GYPC: variants seen among roughly 807,000 people sequenced by gnomAD.
GYPC encodes the protein glycophorin C (Gerbich blood group), also known as glycophorin-C.
In GYPC, 14 loss-of-function variants were observed where a neutral mutation model predicts 12.6. The observed-to-expected ratio is 1.11, with a 90% CI of 0.74 to 1.74. GYPC has a LOEUF of 1.74. Ranked by LOEUF, GYPC falls within the 40% of genes most tolerant of loss-of-function variation. The pLI is 0.00. For missense variants in GYPC, 225 were observed against 172.1 expected, an observed-to-expected ratio of 1.31 and a Z score of -1.72; for synonymous variants, 78 against 62.1, an observed-to-expected ratio of 1.26 and a Z score of -1.20.
intron 1 of GYPC, among the ~76,000 whole-genome samples, chr2:126,688,043 C>G (rs1033284958): frequency 6.6e-6 from 1 of 152,216 alleles, no homozygotes; most frequent in African/African-American, 2.4e-5. Flanking sequence ...TGGGACGCAG[C>G]TGCCAAATCT....
intron 3 of GYPC, 100 bp downstream of exon 3, chr2:126,694,047 G>C: frequency 1.2e-6 from 1 of 839,016 alleles, no homozygotes; most frequent in Non-Finnish European, 2.1e-6. Context: ...AGTGGTGGCT[G>C]TGGCCATTTT....
intron 1 of GYPC, among the ~76,000 whole-genome samples, chr2:126,666,053 T>C (rs893523099): frequency 6.6e-6 from 1 of 152,154 alleles, no homozygotes; most frequent in African/African-American, 2.4e-5. Context: ...CCTTTCTTTG[T>C]TCCCCCCACA....
At chr2:126,658,314 G>A (rs1210881872) in intron 1 of GYPC, 1 of 152,262 alleles carries the variant, frequency 6.6e-6, no homozygotes, top group Non-Finnish European at 1.5e-5. Flanking sequence ...GCCCGTGGTT[G>A]GGCAAGTATT....
chr2:126,664,158 A>G (rs1423560086), intron 1 of GYPC, among the ~76,000 whole-genome samples: 1 of 152,096 alleles, frequency 6.6e-6, no homozygotes, highest in Non-Finnish European at 1.5e-5. Context: ...AATTAATTTC[A>G]GTTATGGTTG....
chr2:126,664,464 G>A (rs1230119674), intron 1 of GYPC, among the ~76,000 whole-genome samples: 1 of 152,166 alleles, frequency 6.6e-6, no homozygotes, highest in Non-Finnish European at 1.5e-5. Context: ...TACATTGAAA[G>A]CTCAGCCAGG....
At chr2:126,666,366 G>T (rs895379444) in intron 1 of GYPC, among the ~76,000 whole-genome samples, 2 of 152,228 alleles carry the variant, frequency 1.3e-5, no homozygotes, top group Non-Finnish European at 2.9e-5. Flanking sequence ...CCAGCCGGAG[G>T]ATCATTGTCA....
intron 2 of GYPC, among the ~76,000 whole-genome samples, chr2:126,693,638 G>A (rs1410775011): frequency 6.6e-6 from 1 of 152,164 alleles, no homozygotes; most frequent in Non-Finnish European, 1.5e-5. Flanking sequence ...GAGTGACCTG[G>A]TGGTTCAGGT....
At chr2:126,679,209 G>T (rs999691910) in intron 1 of GYPC, among the ~76,000 whole-genome samples, 1 of 152,140 alleles carries the variant, frequency 6.6e-6, no homozygotes, top group African/African-American at 2.4e-5. Flanking sequence ...CTGCACAGGG[G>T]CCAAATGGTC....
rs75678009 is a variant in GYPC at position 126,684,742 on chromosome 2, C to T, written c.50-5513C>T. On this transcript the variant is annotated intron_variant, in intron 1 of 3. Transcript: ENST00000259254. ...AGGTTTGCTGAAGGAAAGAATGAAC[C>T]GGCACAATTATGAGCATCCCCATTG... 7.0e-3 allele frequency among the ~76,000 whole-genome samples: 1,063 copies of T among 152,276 alleles called. 16 individuals carry two copies. Among genetic ancestry groups the T allele is most frequent in the East Asian group, 0.044 (226 of 5,178 alleles).
At chr2:126,693,968 C>T (rs571157779) in intron 3 of GYPC, 21 bp downstream of exon 3, 2 of 1,526,234 alleles carry the variant, frequency 1.3e-6, no homozygotes, top group African/African-American at 1.4e-5. Flanking sequence ...ATCACAGAGC[C>T]CTTCAAGCAG....
At chr2:126,692,976 T>C (rs1353585915) in intron 2 of GYPC, among the ~76,000 whole-genome samples, 1 of 152,138 alleles carries the variant, frequency 6.6e-6, no homozygotes, top group East Asian at 1.9e-4. Flanking sequence ...AGGCACCTCA[T>C]AGGATGGATG....
chr2:126,685,351 C>G (rs1683255045), intron 1 of GYPC, among the ~76,000 whole-genome samples: 2 of 151,946 alleles, frequency 1.3e-5, no homozygotes, highest in South Asian at 4.1e-4. Flanking sequence ...CAAAGCCTTT[C>G]TGCTTCAGAG....
In GYPC at chr2:126,693,944, G is replaced by A. The variant is rs369371617; in HGVS notation, c.187G>A (p.Ala63Thr). 8 of 1,602,702 alleles carry A rather than the reference G, an allele frequency of 5.0e-6. No individual in the cohort carries two copies. The highest frequency in any genetic ancestry group is 2.7e-5 in the African/African-American group (2 of 74,668). ...CACCATAATGGACATTGTCGTCATT[G>A]CAGGTGAGCTCTCATCACAGAGCCC... ...TPTIMDIVVI[A>T]GVIAAVAIVL... Residue 63 changes from alanine (A) to threonine (T), a missense_variant, in exon 3 of 4, where the codon GCA becomes ACA. Coordinates refer to ENST00000259254, the MANE Select transcript of GYPC (RefSeq NM_002101.5).
At chr2:126,666,368 T>A (rs1432216254) in intron 1 of GYPC, among the ~76,000 whole-genome samples, 2 of 152,218 alleles carry the variant, frequency 1.3e-5, no homozygotes, top group African/African-American at 4.8e-5. Context: ...AGCCGGAGGA[T>A]CATTGTCACT....
At chr2:126,688,299 G>A (rs1233621524) in intron 1 of GYPC, among the ~76,000 whole-genome samples, 1 of 152,168 alleles carries the variant, frequency 6.6e-6, no homozygotes, top group African/African-American at 2.4e-5. Flanking sequence ...AACCATCCAT[G>A]CCTACTTAAG....
chr2:126,667,468 A>T lies in GYPC; in HGVS notation c.49+11156A>T, dbSNP rs1682716688. ...GCACAGGCTGGGGTGCAGTGGCATG[A>T]TATCGGCTCACCACAACCTCTTCCT... On this transcript the variant is annotated intron_variant, in intron 1 of 3. Coordinates refer to ENST00000259254, the MANE Select transcript of GYPC (RefSeq NM_002101.5). Among the ~76,000 whole-genome samples, 3 of 147,482 alleles carry T rather than the reference A, an allele frequency of 2.0e-5. No individual in the cohort carries two copies. The South Asian group carries it at 6.4e-4, about 31-fold the overall frequency.
rs75996044 is a variant in GYPC at position 126,696,150 on chromosome 2, C to T, written c.*8C>T. On this transcript the variant is annotated 3_prime_UTR_variant, in exon 4 of 4. Coordinates refer to ENST00000259254, the MANE Select transcript of GYPC (RefSeq NM_002101.5). ...AAGGAGTACTTTATTTGAGGGACAA[C>T]AGACTTCACTTCCCTGAATGCCTCC... The T allele has an allele frequency of 6.2e-7, 1 of 1,605,662 alleles. No homozygotes were observed. Among genetic ancestry groups the T allele is most frequent in the African/African-American group, 1.3e-5 (1 of 74,882 alleles).
intron 1 of GYPC, among the ~76,000 whole-genome samples, chr2:126,684,718 G>A (rs1397084167): frequency 6.6e-6 from 1 of 152,288 alleles, no homozygotes; most frequent in East Asian, 1.9e-4. Flanking sequence ...TGCTACAAAA[G>A]GTTTGCTGAA....
At chr2:126,677,584 AGTGT>A (rs1370652522) in intron 1 of GYPC, among the ~76,000 whole-genome samples, 4 of 150,184 alleles carry the variant, frequency 2.7e-5, no homozygotes, top group Non-Finnish European at 5.9e-5. Flanking sequence ...TGAGTGTGTG[AGTGT>A]GTATGTTCAT....
Sources: allele counts gnomAD v4.1 joint callset (sites outside exome capture counted in the v4.1 genomes callset), GRCh38; gene constraint gnomAD v4.1.1; transcripts MANE v1.5; gene names NCBI Gene and HGNC (gene_info 2026-07-23, HGNC 2026-07-21).